Variants in HNF4G observed in about 807,000 individuals in gnomAD.
HNF4G encodes hepatocyte nuclear factor 4 gamma.
A neutral mutation model predicts 50.9 loss-of-function variants in HNF4G; 21 were observed. The observed-to-expected ratio is 0.41, with a 90% confidence interval of 0.29 to 0.59. The LOEUF (loss-of-function observed/expected upper bound fraction) is 0.59. Among genes scored for constraint, HNF4G ranks in the 20% least tolerant of loss-of-function variants. The pLI, the probability that HNF4G is intolerant of heterozygous loss-of-function variation, is 0.26. For synonymous variants in HNF4G, 198 were observed against 185.6 expected (o/e 1.07, Z -0.54); for missense variants, 527 against 559.4 (o/e 0.94, Z 0.58).
intron 1 of HNF4G, among the ~76,000 whole-genome samples, chr8:75,463,345 C>G (rs1422148479): frequency 6.6e-6 from 1 of 152,070 alleles, no homozygotes; most frequent in Non-Finnish European, 1.5e-5. Context: ...TCACTTTGAT[C>G]CCATTCTCAG....
intron 2 of HNF4G, among the ~76,000 whole-genome samples, chr8:75,544,264 T>C (rs890963435): frequency 1.3e-5 from 2 of 152,214 alleles, no homozygotes; most frequent in African/African-American, 4.8e-5. Context: ...ACACCTCCTC[T>C]GTCACTTTTT....
At chr8:75,412,221 G>A (rs1411567535) in intron 1 of HNF4G, among the ~76,000 whole-genome samples, 5 of 152,146 alleles carry the variant, frequency 3.3e-5, no homozygotes, top group Admixed American at 6.5e-5. Context: ...GCAGTGTAGA[G>A]AAAAATCACA....
chr8:75,511,245 GACTGGAATGCCATGTGGATATCA>G (rs1347323853), intron 2 of HNF4G, among the ~76,000 whole-genome samples: 2 of 152,100 alleles, frequency 1.3e-5, no homozygotes, highest in African/African-American at 2.4e-5. Context: ...TTACCCATTA[GACTGGAATGCCATGTGGATATCA>G]ACTTTTGTCT....
intron 1 of HNF4G, among the ~76,000 whole-genome samples, chr8:75,478,419 G>A (rs1020419749): frequency 6.6e-6 from 1 of 152,114 alleles, no homozygotes; most frequent in Non-Finnish European, 1.5e-5. Flanking sequence ...GTTGTTTTAC[G>A]GATTCTAAAA....
chr8:75,473,024 T>G (rs997868668), intron 1 of HNF4G, among the ~76,000 whole-genome samples: 1 of 152,020 alleles, frequency 6.6e-6, no homozygotes, highest in African/African-American at 2.4e-5. Flanking sequence ...CATATAAAAG[T>G]GTCAGCCGGG....
At chr8:75,499,192 T>C (rs756376723) in intron 2 of HNF4G, among the ~76,000 whole-genome samples, 1 of 152,032 alleles carries the variant, frequency 6.6e-6, no homozygotes, top group Non-Finnish European at 1.5e-5. Context: ...ATAGGATAGA[T>C]ACAAGGTTAA....
intron 1 of HNF4G, among the ~76,000 whole-genome samples, chr8:75,427,381 C>A (rs1345550454): frequency 6.6e-6 from 1 of 152,010 alleles, no homozygotes; most frequent in Non-Finnish European, 1.5e-5. Context: ...AGTTCAAGAC[C>A]AGCTTGGCCA....
rs555378649 is a variant in HNF4G at position 75,534,759 on chromosome 8, T to G, written c.-23-9052T>G. 2.6e-5 allele frequency among the ~76,000 whole-genome samples: 4 copies of G among 151,960 alleles called. No individual in the cohort carries two copies. In the South Asian group the frequency reaches 6.2e-4, roughly 24 times the overall value. Reference sequence around the variant, plus strand: ...TTTTTTAGTAGTGATGTGATAAAGATTTAAAATTGGTTCCTTGGACTACAT... The same window carrying G: ...TTTTTTAGTAGTGATGTGATAAAGAGTTAAAATTGGTTCCTTGGACTACAT... On this transcript the variant is annotated intron_variant, in intron 2 of 10. Transcript: ENST00000354370.
chr8:75,454,131 C>T (rs1326412338), intron 1 of HNF4G, among the ~76,000 whole-genome samples: 2 of 151,004 alleles, frequency 1.3e-5, no homozygotes, highest in African/African-American at 2.4e-5. Flanking sequence ...TCCTCTCCCC[C>T]ACTCCACATA....
intron 6 of HNF4G, among the ~76,000 whole-genome samples, chr8:75,557,258 A>C (rs1807155423): frequency 6.6e-6 from 1 of 152,236 alleles, no homozygotes; most frequent in South Asian, 2.1e-4. Flanking sequence ...GATAGTAACT[A>C]TGTGAGGTGA....
chr8:75,466,337 C>G lies in HNF4G; in HGVS notation c.-143-23752C>G, dbSNP rs1483537615. ...TCTCAAATTACCAATGTCTTTTTTA[C>G]AGTCAAGTTTATTTTTATAGATTTT... On this transcript the variant is annotated intron_variant, in intron 1 of 10. Coordinates refer to the HNF4G transcript ENST00000354370. 2.6e-5 allele frequency among the ~76,000 whole-genome samples: 4 copies of G among 152,038 alleles called. No homozygotes were observed. The East Asian group carries it at 7.7e-4, about 29-fold the overall frequency.
At chr8:75,452,006 T>C (rs1474911302) in intron 1 of HNF4G, among the ~76,000 whole-genome samples, 6 of 152,082 alleles carry the variant, frequency 3.9e-5, no homozygotes, top group Non-Finnish European at 5.9e-5. Context: ...CCCATTCCAT[T>C]GGTGGAAACT....
At position 75,492,259 on chromosome 8, in the gene HNF4G, C is replaced by T. The variant is rs536399912; in HGVS notation, c.-24+2051C>T. Among the ~76,000 whole-genome samples, 6 of 152,290 alleles carry T rather than the reference C, an allele frequency of 3.9e-5. No homozygotes were observed. The East Asian group carries it at 1.2e-3, about 29-fold the overall frequency. On this transcript the variant is annotated intron_variant, in intron 2 of 10. Coordinates refer to the HNF4G transcript ENST00000354370. ...TACTACTACCTACTTGTTTCCTCCT[C>T]TTCTAAATCCTTTCAGTTTTGATAG...
At chr8:75,545,324 C>T (rs901146788) in intron 2 of HNF4G, among the ~76,000 whole-genome samples, 3 of 151,268 alleles carry the variant, frequency 2.0e-5, no homozygotes, top group African/African-American at 7.3e-5. Context: ...ATCAGAGAAT[C>T]ACAAAGGCTA....
At chr8:75,547,307 G>T (rs1806809184) in intron 2 of HNF4G, among the ~76,000 whole-genome samples, 2 of 152,184 alleles carry the variant, frequency 1.3e-5, no homozygotes, top group Admixed American at 1.3e-4. Context: ...TTCAAAACTA[G>T]GTTTGGCTTT....
In HNF4G at chr8:75,451,183, C is replaced by T. The variant is rs913420382; in HGVS notation, c.-143-38906C>T. Among the ~76,000 whole-genome samples the T allele has an allele frequency of 1.1e-4, 16 of 151,574 alleles. 1 individual carries two copies. The highest frequency in any genetic ancestry group is 7.4e-5 in the Non-Finnish European group (5 of 67,936). Reference sequence around the variant, plus strand: ...TCCTTCGCCCATTTTGGGGGGATTACTTGTTTTTGTTTTGTTTTGTTTTTT... The same window carrying T: ...TCCTTCGCCCATTTTGGGGGGATTATTTGTTTTTGTTTTGTTTTGTTTTTT... On this transcript the variant is annotated intron_variant, in intron 1 of 10. Coordinates refer to the HNF4G transcript ENST00000354370.
intron 1 of HNF4G, among the ~76,000 whole-genome samples, chr8:75,467,443 C>T (rs988709898): frequency 2.0e-5 from 3 of 152,098 alleles, no homozygotes; most frequent in Non-Finnish European, 4.4e-5. Flanking sequence ...AGGCAGATCA[C>T]GAGGTCAGGA....
chr8:75,482,641 T>A (rs1381149509), intron 1 of HNF4G, among the ~76,000 whole-genome samples: 1 of 152,210 alleles, frequency 6.6e-6, no homozygotes, highest in Non-Finnish European at 1.5e-5. Flanking sequence ...GTGCTGGGAT[T>A]ACAGGTGTGA....
chr8:75,497,141 T>C (rs1428146795), intron 2 of HNF4G, among the ~76,000 whole-genome samples: 1 of 152,176 alleles, frequency 6.6e-6, no homozygotes, highest in Admixed American at 6.5e-5. Context: ...TTGTGTATTA[T>C]CTCTGTTTTA....
Sources: gnomAD v4.1 joint callset for allele counts (sites outside exome capture counted in the v4.1 genomes callset) on GRCh38, gnomAD v4.1.1 for gene constraint, MANE v1.5 for transcripts, NCBI Gene and HGNC (gene_info 2026-07-23, HGNC 2026-07-21) for gene names.